The following KIF3B variants were observed in gnomAD, a reference collection of about 807,000 sequenced individuals.
KIF3B encodes kinesin-like protein KIF3B.
Under a neutral mutation model 74.3 loss-of-function variants are expected in KIF3B, and 38 were observed. The observed-to-expected ratio is 0.51, with a 90% confidence interval of 0.39 to 0.67. The LOEUF is 0.67. Among genes scored for constraint, KIF3B ranks in the 30% least tolerant of loss-of-function variants. KIF3B has a pLI of 0.00. For synonymous variants in KIF3B, 326 were observed against 342.5 expected, an observed-to-expected ratio of 0.95 and a Z score of 0.53; for missense variants, 649 against 932.0, an observed-to-expected ratio of 0.70 and a Z score of 3.95.
At chr20:32,306,581 C>CT (rs935086574) in intron 1 of KIF3B, among the ~76,000 whole-genome samples, 2,567 of 82,890 alleles carry the variant, frequency 0.031, 317 homozygotes, top group Non-Finnish European at 0.044. Flanking sequence ...AGTTTTTCCT[C>CT]TTTTTTTTTT....
intron 7 of KIF3B, among the ~76,000 whole-genome samples, 176 bp from the exon 8 acceptor site, chr20:32,329,965 A>T (rs979521128): frequency 1.3e-5 from 2 of 152,170 alleles, no homozygotes; most frequent in African/African-American, 2.4e-5. Context: ...AAAAGCAAAA[A>T]ATTAGGTGGA....
chr20:32,330,017 C>G, intron 7 of KIF3B, 124 bp from the exon 8 acceptor site: 1 of 803,472 alleles, frequency 1.2e-6, no homozygotes, highest in Admixed American at 3.5e-5. Context: ...CAGGCAGGCT[C>G]TTTCTTGATA....
At chr20:32,294,414 C>T (rs928490760) in intron 1 of KIF3B, among the ~76,000 whole-genome samples, 6 of 152,116 alleles carry the variant, frequency 3.9e-5, no homozygotes, top group Non-Finnish European at 7.3e-5. Flanking sequence ...CTGGACTTTT[C>T]TCCAAAGAAA....
intron 1 of KIF3B, among the ~76,000 whole-genome samples, chr20:32,293,153 C>T (rs1056917828): frequency 6.6e-6 from 1 of 151,834 alleles, no homozygotes; most frequent in Non-Finnish European, 1.5e-5. Flanking sequence ...ACTTGGGAGT[C>T]TGAGGTGGGA....
At position 32,332,721 on chromosome 20, in the gene KIF3B, CTG is replaced by C. The variant is rs2047936154; in HGVS notation, c.*1404_*1405del. The C allele has an allele frequency of 6.6e-6, 1 of 152,216 alleles. No homozygotes were observed. Among genetic ancestry groups the C allele is most frequent in the Non-Finnish European group, 1.5e-5 (1 of 68,040 alleles). The allele number at this position is 152,216 out of a possible 1,614,324, so 9.4% of individuals were successfully genotyped here. ...GTTCTGTGAATGTGTCCATATGTGT[CTG>C]TAAGAGAGACAGAGACCAAGAACTT... is the stretch of plus-strand genomic sequence containing the variant. On this transcript the variant is annotated 3_prime_UTR_variant, in exon 9 of 9. Transcript: ENST00000375712.
chr20:32,326,925 G>A (rs769723238), intron 6 of KIF3B, 41 bp downstream of exon 6: 1 of 969,074 alleles, frequency 1.0e-6, no homozygotes, highest in South Asian at 1.5e-5. Flanking sequence ...CAAGTATGAG[G>A]GAGGAAAAGA....
intron 1 of KIF3B, among the ~76,000 whole-genome samples, chr20:32,299,829 C>G (rs1354865293): frequency 6.6e-6 from 1 of 152,076 alleles, no homozygotes; most frequent in Admixed American, 6.6e-5. Context: ...TCCTCTGTGA[C>G]TCAGGCTGGA....
At chr20:32,291,012 G>A (rs915146421) in intron 1 of KIF3B, among the ~76,000 whole-genome samples, 2 of 152,182 alleles carry the variant, frequency 1.3e-5, no homozygotes, top group Non-Finnish European at 2.9e-5. Flanking sequence ...AAATAAGCCA[G>A]TCACAAAAGG....
chr20:32,288,605 A>T (rs951071498), intron 1 of KIF3B, among the ~76,000 whole-genome samples: 2 of 151,138 alleles, frequency 1.3e-5, no homozygotes, highest in Non-Finnish European at 2.9e-5. Context: ...TTTCTTTCTG[A>T]TGAAGAATTC....
intron 1 of KIF3B, among the ~76,000 whole-genome samples, chr20:32,285,097 A>G (rs1600415466): frequency 8.2e-6 from 1 of 121,322 alleles, no homozygotes; most frequent in East Asian, 4.0e-4. Flanking sequence ...TTAAATGATG[A>G]CCAAAAAAAA....
At chr20:32,286,098 A>G (rs927317818) in intron 1 of KIF3B, among the ~76,000 whole-genome samples, 1 of 152,242 alleles carries the variant, frequency 6.6e-6, no homozygotes, top group Non-Finnish European at 1.5e-5. Context: ...AGACATTTGC[A>G]GCACTTGCAT....
chr20:32,318,325 G>A (rs1366810226), intron 5 of KIF3B, among the ~76,000 whole-genome samples: 2 of 151,544 alleles, frequency 1.3e-5, no homozygotes, highest in Non-Finnish European at 2.9e-5. Context: ...ATTAAAAAAT[G>A]ATAAAGTATA....
chr20:32,331,887 A>G lies in KIF3B; in HGVS notation c.*568A>G, dbSNP rs754274443. The G allele has an allele frequency of 2.6e-5, 4 of 153,090 alleles. No individual in the cohort carries two copies. The highest frequency in any genetic ancestry group is 5.8e-5 in the Non-Finnish European group (4 of 68,434). The allele number at this position is 153,090 out of a possible 1,614,324, so 9.5% of individuals were successfully genotyped here. ...GGGCACCATCAGCAGTCTTGCTTCC[A>G]TGCACCTCAGTAAGAAGTGGATCTG... On this transcript the variant is annotated 3_prime_UTR_variant, in exon 9 of 9. Transcript: ENST00000375712.
chr20:32,281,916 A>G (rs2047644980), intron 1 of KIF3B, among the ~76,000 whole-genome samples: 1 of 152,164 alleles, frequency 6.6e-6, no homozygotes, highest in African/African-American at 2.4e-5. Flanking sequence ...TGGCAGGGAC[A>G]GGTGAGTCAA....
rs1164604181 is a variant in KIF3B at position 32,325,655 on chromosome 20, CTTTTTTT to C, written c.1749-1092_1749-1086del. ...TTCATTATTATCTCTCTCTCTCTCT[CTTTTTTT>C]TTTTTTTTTTTTTTTTTTTTTTTGA... is the stretch of plus-strand genomic sequence containing the variant. On this transcript the variant is annotated intron_variant, in intron 5 of 8. Transcript: ENST00000375712. Among the ~76,000 whole-genome samples the C allele has an allele frequency of 4.7e-4, 24 of 51,082 alleles. No individual in the cohort carries two copies. In the South Asian group the frequency reaches 0.012, roughly 25 times the overall value. The allele number at this position is 51,082 out of a possible 152,430, so 33.5% of individuals were successfully genotyped here. A position where few individuals can be genotyped will look rare whatever the true frequency, so the allele number is the denominator to read the frequency against.
intron 5 of KIF3B, among the ~76,000 whole-genome samples, chr20:32,321,155 C>A (rs1048003468): frequency 3.3e-5 from 5 of 152,058 alleles, no homozygotes; most frequent in Non-Finnish European, 7.4e-5. Context: ...CAGGGCCGGG[C>A]GCTGTGGCTC....
chr20:32,289,751 A>G (rs1350362433), intron 1 of KIF3B, among the ~76,000 whole-genome samples: 1 of 152,236 alleles, frequency 6.6e-6, no homozygotes, highest in Non-Finnish European at 1.5e-5. Context: ...AAATAATAGT[A>G]CAGGTGATGA....
At chr20:32,304,144 T>C (rs1315886698) in intron 1 of KIF3B, among the ~76,000 whole-genome samples, 1 of 152,212 alleles carries the variant, frequency 6.6e-6, no homozygotes, top group Non-Finnish European at 1.5e-5. Context: ...TTCTTCATTC[T>C]AGACAATAAT....
intron 5 of KIF3B, among the ~76,000 whole-genome samples, chr20:32,318,073 A>G (rs1161159989): frequency 6.6e-6 from 1 of 152,156 alleles, no homozygotes; most frequent in Non-Finnish European, 1.5e-5. Context: ...AGGCCGAGGC[A>G]GGTGGATCAC....
Sources: gnomAD v4.1 joint callset for allele counts (sites outside exome capture counted in the v4.1 genomes callset) on GRCh38, gnomAD v4.1.1 for gene constraint, MANE v1.5 for transcripts, NCBI Gene and HGNC (gene_info 2026-07-23, HGNC 2026-07-21) for gene names.